The following CRACR2A variants were observed in gnomAD, a reference collection of about 807,000 sequenced individuals.
CRACR2A encodes the protein calcium release activated channel regulator 2A, also known as EF-hand calcium-binding domain-containing protein 4B.
CRACR2A carries 79 observed loss-of-function variants against 90.5 expected under a neutral mutation model. The observed-to-expected ratio is 0.87, with a 90% CI of 0.73 to 1.05. The LOEUF is 1.05. CRACR2A is among the 50% of genes least tolerant of loss of function. The pLI is 0.00. For missense variants in CRACR2A, 823 were observed against 897.2 expected (o/e 0.92, Z 1.06); for synonymous variants, 338 against 356.7 (o/e 0.95, Z 0.59).
At chr12:3,671,759 A>C (rs1223217012) in intron 7 of CRACR2A, among the ~76,000 whole-genome samples, 2 of 152,236 alleles carry the variant, frequency 1.3e-5, no homozygotes, top group Non-Finnish European at 2.9e-5. Context: ...ACTTATTTAA[A>C]ATACTAATAA....
chr12:3,618,317 C>G (rs1867735674), intron 18 of CRACR2A, among the ~76,000 whole-genome samples: 1 of 152,146 alleles, frequency 6.6e-6, no homozygotes, highest in Non-Finnish European at 1.5e-5. Context: ...AGACAGCACT[C>G]TATAATCAAA....
At position 3,737,631 on chromosome 12, in the gene CRACR2A, G is replaced by A. The variant is rs201340798; in HGVS notation, c.-386-4421C>T. ...GCAATGGCAGCAGAAGTAGGTGCAG[G>A]TAAAGAGATTCTAGAGCTATTTAGA... On this transcript the variant is annotated intron_variant, in intron 1 of 19. Coordinates refer to ENST00000440314, the MANE Select transcript of CRACR2A (RefSeq NM_001144958.2). Among the ~76,000 whole-genome samples, 3 of 152,242 alleles carry A rather than the reference G, an allele frequency of 2.0e-5. No individual in the cohort carries two copies. In the East Asian group the frequency reaches 5.8e-4, roughly 29 times the overall value.
chr12:3,684,629 C>T (rs916543487), intron 4 of CRACR2A, among the ~76,000 whole-genome samples: 1 of 152,284 alleles, frequency 6.6e-6, no homozygotes, highest in African/African-American at 2.4e-5. Context: ...AGAATGTTTA[C>T]ATCCTGCGTG....
intron 1 of CRACR2A, among the ~76,000 whole-genome samples, chr12:3,735,460 A>C (rs1388837325): frequency 6.6e-6 from 1 of 152,250 alleles, no homozygotes; most frequent in Non-Finnish European, 1.5e-5. Flanking sequence ...CAACTGAGTA[A>C]GTAAATAGTA....
chr12:3,621,322 A>AACATCTGG (rs1944124807), intron 17 of CRACR2A, among the ~76,000 whole-genome samples: 1 of 151,978 alleles, frequency 6.6e-6, no homozygotes, highest in African/African-American at 2.4e-5. Flanking sequence ...TCATAAGCCC[A>AACATCTGG]ACATCTGGGT....
At chr12:3,705,139 T>C (rs1945896706) in intron 3 of CRACR2A, among the ~76,000 whole-genome samples, 1 of 152,130 alleles carries the variant, frequency 6.6e-6, no homozygotes, top group Non-Finnish European at 1.5e-5. Flanking sequence ...TGGTGGAGTA[T>C]ATTCTAAAGG....
At chr12:3,699,877 T>A (rs138061263) in intron 3 of CRACR2A, among the ~76,000 whole-genome samples, 4 of 152,320 alleles carry the variant, frequency 2.6e-5, no homozygotes, top group African/African-American at 9.6e-5. Flanking sequence ...GCATTTTTAT[T>A]TCAGGCAGGT....
At chr12:3,640,717 T>G in intron 13 of CRACR2A, 1 of 1,305,418 alleles carries the variant, frequency 7.7e-7, no homozygotes. Context: ...ATGCTTGCAG[T>G]CTTCAAGGTC....
intron 1 of CRACR2A, among the ~76,000 whole-genome samples, chr12:3,734,629 ATGTGTG>A (rs59680765): frequency 6.7e-6 from 1 of 149,502 alleles, no homozygotes; most frequent in Non-Finnish European, 1.5e-5. Flanking sequence ...AGGTGTGTGT[ATGTGTG>A]TGTGTGTGTG....
chr12:3,745,816 A>AAAAT (rs1201814883), intron 1 of CRACR2A, among the ~76,000 whole-genome samples: 1,152 of 7,122 alleles, frequency 0.16, 32 homozygotes, highest in South Asian at 0.33. Context: ...AAAATAAAAT[A>AAAAT]AAATAAAATA....
chr12:3,643,872 A>ATATTTTATATATAT (rs1944630667), intron 12 of CRACR2A, among the ~76,000 whole-genome samples: 1 of 70,594 alleles, frequency 1.4e-5, no homozygotes, highest in South Asian at 3.7e-4. Context: ...TATATATATT[A>ATATTTTATATATAT]TATATATTTA....
At chr12:3,695,315 T>C (rs1473097859) in intron 4 of CRACR2A, among the ~76,000 whole-genome samples, 1 of 152,204 alleles carries the variant, frequency 6.6e-6, no homozygotes, top group African/African-American at 2.4e-5. Context: ...CAAAACACAC[T>C]GAATCTGGCC....
In CRACR2A at chr12:3,621,091, G is replaced by A. The variant is rs145795588; in HGVS notation, c.1933-1719C>T. On this transcript the variant is annotated intron_variant, in intron 17 of 19. Transcript: ENST00000440314. ...AAGCGGCTTGCTGTTTAGAGCACAT[G>A]GGAGAGAGATATTTGTAGATTTATG... Among the ~76,000 whole-genome samples the A allele has an allele frequency of 7.1e-4, 108 of 152,340 alleles. 1 individual carries two copies. The highest frequency in any genetic ancestry group is 6.8e-3 in the Middle Eastern group (2 of 294).
chr12:3,675,806 C>T (rs1302288304), intron 6 of CRACR2A, among the ~76,000 whole-genome samples: 2 of 152,156 alleles, frequency 1.3e-5, no homozygotes, highest in Admixed American at 6.5e-5. Flanking sequence ...ATAGCTCTGA[C>T]AAGGAACCCT....
chr12:3,619,447 T>C (rs1867768294), intron 17 of CRACR2A, 75 bp from the exon 18 acceptor site: 2 of 1,168,904 alleles, frequency 1.7e-6, no homozygotes, highest in Non-Finnish European at 2.5e-6. Context: ...CAATGCCGGC[T>C]GGACAGATGG....
Position 3,647,512 on chromosome 12 carries a change from C to T in CRACR2A, c.1118+1030G>A, listed in dbSNP as rs58090217. Among the ~76,000 whole-genome samples the T allele has an allele frequency of 4.2e-3, 633 of 152,242 alleles. 2 individuals are homozygous for T. Among genetic ancestry groups the T allele is most frequent in the African/African-American group, 0.015 (606 of 41,524 alleles). On this transcript the variant is annotated intron_variant, in intron 11 of 19. Transcript: ENST00000440314. ...AAAAGACCCCAAACTTGTCCTTATACGTTTTGTTCTCTTCCTTTTACTAAA... is the reference window on the plus strand; with the variant it reads ...AAAAGACCCCAAACTTGTCCTTATATGTTTTGTTCTCTTCCTTTTACTAAA...
In CRACR2A at chr12:3,633,582, C is replaced by T. The variant is rs1336681797; in HGVS notation, c.1735+22G>A. The T allele has an allele frequency of 5.8e-6, 9 of 1,551,616 alleles. No homozygotes were observed. The Admixed American group carries it at 1.8e-4, about 30-fold the overall frequency. ...CCTTCCCAAAGATGGGCCTAGGACC[C>T]ACCTCAGGGATGAGAACTCACCCAC... On this transcript the variant is annotated intron_variant, in intron 15 of 19. Transcript: ENST00000440314. This position sits in a 1 kb window ranked among gnomAD's most constrained non-coding sequence, Gnocchi z 4.5.
chr12:3,727,958 AG>A (rs1208779090), intron 2 of CRACR2A: 1 of 152,206 alleles, frequency 6.6e-6, no homozygotes, highest in Admixed American at 6.5e-5. Context: ...CAGGCCCAAG[AG>A]GGTAGGCCAA....
intron 7 of CRACR2A, among the ~76,000 whole-genome samples, chr12:3,661,654 T>C (rs893450383): frequency 2.0e-5 from 3 of 152,248 alleles, no homozygotes; most frequent in African/African-American, 7.2e-5. Context: ...CAGAAGCAGA[T>C]ACAGTTTGAA....
Sources: gnomAD v4.1 joint callset for allele counts (sites outside exome capture counted in the v4.1 genomes callset) on GRCh38, gnomAD v4.1.1 for gene constraint, Gnocchi (gnomAD v3.1) non-coding constraint, MANE v1.5 for transcripts, NCBI Gene and HGNC (gene_info 2026-07-23, HGNC 2026-07-21) for gene names.